Variants in PRELID2 observed in about 807,000 individuals in gnomAD.
PRELID2 encodes the protein PRELI domain-containing protein 2.
Under a neutral mutation model 28.4 loss-of-function variants are expected in PRELID2, and 25 were observed. That is an observed-to-expected ratio of 0.88 (90% CI 0.64 to 1.23). The LOEUF (loss-of-function observed/expected upper bound fraction) is 1.23. Among genes scored for constraint, PRELID2 ranks in the 50% most tolerant of loss-of-function variants. The probability of loss-of-function intolerance (pLI) is 0.00; values close to 1 mark genes in which losing one functional copy is unlikely to be tolerated. For synonymous variants in PRELID2, 76 were observed against 71.6 expected, an observed-to-expected ratio of 1.06 and a Z score of -0.31; for missense variants, 201 against 214.4, an observed-to-expected ratio of 0.94 and a Z score of 0.39.
At chr5:145,763,637 T>C (rs576871400) in intron 6 of PRELID2, among the ~76,000 whole-genome samples, 4 of 152,370 alleles carry the variant, frequency 2.6e-5, no homozygotes, top group Admixed American at 2.0e-4. Flanking sequence ...TCTCACTCTT[T>C]ACTGTTTATC....
At chr5:145,414,768 A>G in the PRELID2 span, among the ~76,000 whole-genome samples, 1 of 152,208 alleles carries the variant, frequency 6.6e-6, no homozygotes, top group Non-Finnish European at 1.5e-5. Context: ...CCATATAAGT[A>G]TTTACTTGGG....
At chr5:145,242,626 A>T in the PRELID2 span, among the ~76,000 whole-genome samples, 21 of 152,202 alleles carry the variant, frequency 1.4e-4, no homozygotes, top group Non-Finnish European at 2.9e-4. Flanking sequence ...AATCAATGTA[A>T]CAGTTACAGA....
At chr5:145,735,374 C>A (rs1171965038) in intron 1 of PRELID2, among the ~76,000 whole-genome samples, 1 of 151,696 alleles carries the variant, frequency 6.6e-6, no homozygotes, top group Non-Finnish European at 1.5e-5. Context: ...AGGGCTTTTA[C>A]AAAGATGCAT....
chr5:145,391,391 C>T, the PRELID2 span, among the ~76,000 whole-genome samples: 1 of 152,194 alleles, frequency 6.6e-6, no homozygotes, highest in Admixed American at 6.5e-5. Context: ...TATGTTGGCC[C>T]CTTTTAGCCA....
At chr5:145,645,939 A>G (rs1754189457) in intron 1 of PRELID2, among the ~76,000 whole-genome samples, 1 of 152,120 alleles carries the variant, frequency 6.6e-6, no homozygotes, top group South Asian at 2.1e-4. Context: ...GGGTAACCCG[A>G]CCTTTTTCTC....
chr5:145,246,175 G>C, the PRELID2 span, among the ~76,000 whole-genome samples: 1 of 152,058 alleles, frequency 6.6e-6, no homozygotes, highest in Non-Finnish European at 1.5e-5. Context: ...TTAATGTCAC[G>C]TGTCTTTCTA....
At chr5:145,324,235 T>C in the PRELID2 span, among the ~76,000 whole-genome samples, 2 of 152,194 alleles carry the variant, frequency 1.3e-5, no homozygotes, top group South Asian at 2.1e-4. Flanking sequence ...GATGTCATTG[T>C]AGGGTGGAAA....
chr5:145,624,831 G>A (rs73311595), intron 1 of PRELID2, among the ~76,000 whole-genome samples: 1 of 151,966 alleles, frequency 6.6e-6, no homozygotes, highest in African/African-American at 2.4e-5. Context: ...TGCAACATGT[G>A]TAATCAACAA....
the PRELID2 span, among the ~76,000 whole-genome samples, chr5:145,333,134 C>T: frequency 6.6e-6 from 1 of 152,198 alleles, no homozygotes; most frequent in East Asian, 1.9e-4. Flanking sequence ...CTGTTCCTTC[C>T]TCTGGAAACT....
rs144557105 is a variant in PRELID2, at chr5:145,700,473, C to A, written n.70+64458G>T. Among the ~76,000 whole-genome samples, 3 of 152,226 alleles carry A rather than the reference C, an allele frequency of 2.0e-5. No individual in the cohort carries two copies. The East Asian group carries it at 5.8e-4, about 29-fold the overall frequency. ...CATTTATAAAAATATTAAATATTATCTGTAGTTTTCATAAATAGCCACTGC... is the reference window on the plus strand; with the variant it reads ...CATTTATAAAAATATTAAATATTATATGTAGTTTTCATAAATAGCCACTGC... On this transcript the variant is annotated intron_variant and non_coding_transcript_variant, in intron 1 of 2. Coordinates refer to the PRELID2 transcript ENST00000510259.
chr5:145,476,264 T>C (rs534178153), intron 1 of PRELID2, among the ~76,000 whole-genome samples: 1 of 152,342 alleles, frequency 6.6e-6, no homozygotes, highest in Admixed American at 6.5e-5. Flanking sequence ...AGACAATCAA[T>C]TCTAAAGTTC....
chr5:145,526,279 C>G (rs1752604782), intron 1 of PRELID2, among the ~76,000 whole-genome samples: 1 of 152,178 alleles, frequency 6.6e-6, no homozygotes, highest in African/African-American at 2.4e-5. Context: ...AAGTCTAGAG[C>G]AACCTGATTT....
chr5:145,781,740 A>T (rs997380713), intron 5 of PRELID2, among the ~76,000 whole-genome samples: 3 of 146,326 alleles, frequency 2.1e-5, no homozygotes, highest in African/African-American at 7.6e-5. Flanking sequence ...TACTATATAT[A>T]TACTATATCT....
chr5:145,351,390 C>G, the PRELID2 span, among the ~76,000 whole-genome samples: 1 of 152,000 alleles, frequency 6.6e-6, no homozygotes, highest in Admixed American at 6.6e-5. Context: ...AGCAGAATTG[C>G]CAAGCAAAGA....
intron 1 of PRELID2, among the ~76,000 whole-genome samples, chr5:145,667,990 G>A (rs1754629255): frequency 1.3e-5 from 2 of 152,106 alleles, no homozygotes; most frequent in Admixed American, 1.3e-4. Context: ...ATGCGCAAAA[G>A]CAAGTTTTGG....
At chr5:145,523,769 A>G (rs960682723) in intron 1 of PRELID2, among the ~76,000 whole-genome samples, 1 of 152,178 alleles carries the variant, frequency 6.6e-6, no homozygotes, top group Non-Finnish European at 1.5e-5. Context: ...TTTTGGGAGA[A>G]CACAAATATT....
chr5:145,447,980 T>C, the PRELID2 span, among the ~76,000 whole-genome samples: 1 of 152,142 alleles, frequency 6.6e-6, no homozygotes, highest in African/African-American at 2.4e-5. Flanking sequence ...CCTTTGGGTA[T>C]ATACCCAGTA....
chr5:145,265,230 A>G, the PRELID2 span, among the ~76,000 whole-genome samples: 1 of 152,050 alleles, frequency 6.6e-6, no homozygotes, highest in African/African-American at 2.4e-5. Context: ...AAAATAAAAT[A>G]AAATAAAATA....
the PRELID2 span, among the ~76,000 whole-genome samples, chr5:145,370,719 C>G: frequency 6.6e-6 from 1 of 152,030 alleles, no homozygotes; most frequent in African/African-American, 2.4e-5. Flanking sequence ...GGCAAAATGA[C>G]CATTTACATA....
Sources: gnomAD v4.1 joint callset for allele counts (sites outside exome capture counted in the v4.1 genomes callset) on GRCh38, gnomAD v4.1.1 for gene constraint, MANE v1.5 for transcripts, NCBI Gene and HGNC (gene_info 2026-07-23, HGNC 2026-07-21) for gene names.